Variants in CCDC144A observed in about 807,000 individuals in gnomAD.
CCDC144A encodes the protein coiled-coil domain containing 144A.
A neutral mutation model predicts 143.8 loss-of-function variants in CCDC144A; 41 were observed. The observed-to-expected ratio is 0.29, with a 90% CI of 0.22 to 0.37. The LOEUF (loss-of-function observed/expected upper bound fraction) is 0.37, where lower values mean the gene tolerates loss of function less well. Ranked by LOEUF, CCDC144A falls within the 10% of genes least tolerant of loss-of-function variation. The probability of loss-of-function intolerance (pLI) is 1.00; values close to 1 mark genes in which losing one functional copy is unlikely to be tolerated. For missense variants in CCDC144A, 637 were observed against 1,488.8 expected (o/e 0.43, Z 9.41); for synonymous variants, 242 against 517.9 (o/e 0.47, Z 7.23).
At chr17:16,682,643 GA>G in the CCDC144A span, among the ~76,000 whole-genome samples, 1 of 152,014 alleles carries the variant, frequency 6.6e-6, no homozygotes, top group Non-Finnish European at 1.5e-5. Flanking sequence ...AATGTCAGGG[GA>G]AAGTGGGTTA....
chr17:16,771,821 T>C (rs570477669), intron 15 of CCDC144A, among the ~76,000 whole-genome samples, 156 bp from the exon 16 acceptor site: 1 of 152,350 alleles, frequency 6.6e-6, no homozygotes, highest in South Asian at 2.1e-4. Context: ...AAACTTAAAA[T>C]AGGTAGGAAT....
At chr17:16,668,896 C>A in the CCDC144A span, among the ~76,000 whole-genome samples, 2 of 152,118 alleles carry the variant, frequency 1.3e-5, no homozygotes, top group Non-Finnish European at 2.9e-5. Context: ...ACTCTCATGA[C>A]CTCATGTAAA....
At chr17:16,712,339 T>C (rs1912504370) in intron 6 of CCDC144A, among the ~76,000 whole-genome samples, 1 of 152,238 alleles carries the variant, frequency 6.6e-6, no homozygotes, top group South Asian at 2.1e-4. Context: ...AAATCGGAAG[T>C]ATTGGCAAAT....
chr17:16,744,425 A>G, intron 12 of CCDC144A, among the ~76,000 whole-genome samples: 1 of 152,158 alleles, frequency 6.6e-6, no homozygotes, highest in East Asian at 1.9e-4. Context: ...ATGGTATGTC[A>G]TTGTGGCTTT....
chr17:16,718,759 G>C (rs1299626381), intron 6 of CCDC144A, among the ~76,000 whole-genome samples: 1 of 142,854 alleles, frequency 7.0e-6, no homozygotes, highest in Admixed American at 7.0e-5. Flanking sequence ...GAGAAGGGGA[G>C]GGTTTTGTTT....
In CCDC144A at chr17:16,741,417, T is replaced by C. The variant is rs377504576; in HGVS notation, c.3372+5774T>C. Among the ~76,000 whole-genome samples the C allele has an allele frequency of 9.2e-5, 14 of 152,274 alleles. No homozygotes were observed. The East Asian group carries it at 2.7e-3, about 29-fold the overall frequency. ...AATATCTACATTGGAACTCCTAGGC[T>C]CTCTTTGTGGCCTAAGCTTCCTCAC... On this transcript the variant is annotated intron_variant, in intron 12 of 16. Transcript: ENST00000399273.
At chr17:16,749,529 T>G (rs576264642) in intron 12 of CCDC144A, among the ~76,000 whole-genome samples, 55 of 152,360 alleles carry the variant, frequency 3.6e-4, no homozygotes, top group African/African-American at 1.3e-3. Flanking sequence ...TCTTGGAGTA[T>G]GTTCTTTGTG....
At chr17:16,732,713 T>C in intron 11 of CCDC144A, 47 bp downstream of exon 11, 1 of 1,464,122 alleles carries the variant, frequency 6.8e-7, no homozygotes, top group African/African-American at 1.4e-5. Flanking sequence ...TGTGAATATA[T>C]TTTTAAAAAA....
Position 16,732,593 on chromosome 17 carries a change from G to GA in CCDC144A, c.2347dup (p.Ile783AsnfsTer10). 2 of 1,611,236 alleles carry GA rather than the reference G, an allele frequency of 1.2e-6. No homozygotes were observed. Among genetic ancestry groups the GA allele is most frequent in the South Asian group, 2.2e-5 (2 of 90,228 alleles). ...CAACTTTCTGAAGAACAGGATGCCA[G>GA]AATATTACAAGATCAGATTCTGACG... On this transcript the variant is annotated frameshift_variant, in exon 11 of 17. Transcript: ENST00000399273. LOFTEE classifies it high-confidence loss of function.
chr17:16,674,376 A>G, the CCDC144A span, among the ~76,000 whole-genome samples: 1 of 152,134 alleles, frequency 6.6e-6, no homozygotes, highest in African/African-American at 2.4e-5. Context: ...TGTCGAGGCT[A>G]ACAGATGATA....
chr17:16,725,347 C>T (rs1296481911), intron 8 of CCDC144A, among the ~76,000 whole-genome samples: 1 of 152,008 alleles, frequency 6.6e-6, no homozygotes, highest in East Asian at 1.9e-4. Flanking sequence ...CTGCTTTCTT[C>T]TCAGTTAGTC....
intron 15 of CCDC144A, among the ~76,000 whole-genome samples, chr17:16,771,485 A>G (rs1171178166): frequency 6.6e-6 from 1 of 152,250 alleles, no homozygotes; most frequent in African/African-American, 2.4e-5. Context: ...GCTTTCTTCA[A>G]GTATGTATTA....
chr17:16,771,900 C>T (rs1361428815), intron 15 of CCDC144A, 77 bp from the exon 16 acceptor site: 24 of 1,194,156 alleles, frequency 2.0e-5, no homozygotes, highest in Admixed American at 9.4e-5. Context: ...ATTTAAAGGC[C>T]GCATTTTGTA....
the CCDC144A span, chr17:16,683,929 A>G: frequency 7.8e-7 from 1 of 1,281,874 alleles, no homozygotes; most frequent in Admixed American, 1.7e-5. Flanking sequence ...AGCCACGAGC[A>G]GGAATCCGCG....
chr17:16,669,441 C>T, the CCDC144A span, among the ~76,000 whole-genome samples: 2 of 152,214 alleles, frequency 1.3e-5, no homozygotes, highest in Admixed American at 1.3e-4. Context: ...ATAATGTGTA[C>T]TTGTCTAACG....
In CCDC144A at chr17:16,759,908, C is replaced by A. The variant is rs574127108; in HGVS notation, c.3373-1517C>A. Among the ~76,000 whole-genome samples the A allele has an allele frequency of 7.8e-3, 1,181 of 151,224 alleles. 15 individuals are homozygous for A. Among genetic ancestry groups the A allele is most frequent in the African/African-American group, 0.027 (1,110 of 40,552 alleles). ...AGGCAAGGCTCAGTGGGGCCAACTC[C>A]CTTTTTCTTTACTTGGCATCAGCTG... is the stretch of plus-strand genomic sequence containing the variant. On this transcript the variant is annotated intron_variant, in intron 12 of 16. Coordinates refer to ENST00000399273, the MANE Select transcript of CCDC144A (RefSeq NM_001382000.1).
At position 16,711,697 on chromosome 17, in the gene CCDC144A, AAGCACAGAAGTAAT is replaced by A. The variant is rs1325994502; in HGVS notation, c.1607_1620del (p.Ser536IlefsTer7). The A allele has an allele frequency of 6.2e-7, 1 of 1,604,196 alleles. No individual in the cohort carries two copies. Among genetic ancestry groups the A allele is most frequent in the Non-Finnish European group, 8.5e-7 (1 of 1,173,918 alleles). ...ACTCAAGGTTGAAGAAGAAATGGAG[AAGCACAGAAGTAAT>A]AGCACAGAATTATCAGGAACCCTAA... On this transcript the variant is annotated frameshift_variant, in exon 6 of 17. Transcript: ENST00000399273. LOFTEE classifies it high-confidence loss of function.
chr17:16,738,042 T>C (rs1914102209), intron 12 of CCDC144A, among the ~76,000 whole-genome samples: 2 of 152,082 alleles, frequency 1.3e-5, no homozygotes, highest in African/African-American at 2.4e-5. Context: ...TAGGATAATG[T>C]TTAATAGAAT....
chr17:16,757,784 G>C (rs963567355), intron 12 of CCDC144A, among the ~76,000 whole-genome samples: 12 of 152,354 alleles, frequency 7.9e-5, no homozygotes, highest in African/African-American at 2.9e-4. Flanking sequence ...CTAGGCTCTA[G>C]ACAGCACACA....
Sources: allele counts gnomAD v4.1 joint callset (sites outside exome capture counted in the v4.1 genomes callset), GRCh38; gene constraint gnomAD v4.1.1; transcripts MANE v1.5; gene names NCBI Gene and HGNC (gene_info 2026-07-23, HGNC 2026-07-21).